Variants in STXBP4 observed in about 807,000 individuals in gnomAD.
STXBP4 encodes syntaxin binding protein 4, also known as syntaxin-binding protein 4.
A neutral mutation model predicts 76.1 loss-of-function variants in STXBP4; 55 were observed. The ratio of observed to expected loss-of-function variants is 0.72; its 90% CI spans 0.58 to 0.91. The LOEUF is 0.91. Among genes scored for constraint, STXBP4 ranks in the 40% least tolerant of loss-of-function variants. The probability of loss-of-function intolerance (pLI) is 0.00; values close to 1 mark genes in which losing one functional copy is unlikely to be tolerated. For missense variants in STXBP4, 618 were observed against 636.9 expected (o/e 0.97, Z 0.32); for synonymous variants, 201 against 220.2 (o/e 0.91, Z 0.77).
In STXBP4 at chr17:55,064,434, C is replaced by T. The variant is rs117132102; in HGVS notation, c.1012-8466C>T. On this transcript the variant is annotated intron_variant, in intron 12 of 17. Transcript: ENST00000376352. Reference sequence around the variant, plus strand: ...ACTGTAATTATAAGATCTCTTTACACTGTAGTTATTAACCCTATTTCTACC... The same window carrying T: ...ACTGTAATTATAAGATCTCTTTACATTGTAGTTATTAACCCTATTTCTACC... Among the ~76,000 whole-genome samples the T allele has an allele frequency of 3.3e-3, 498 of 152,250 alleles. 12 individuals are homozygous for T. Among genetic ancestry groups the T allele is most frequent in the East Asian group, 0.025 (131 of 5,182 alleles).
chr17:55,052,413 GATTA>G (rs1023086260), intron 12 of STXBP4, among the ~76,000 whole-genome samples: 11 of 152,056 alleles, frequency 7.2e-5, no homozygotes, highest in Admixed American at 6.6e-4. Context: ...TTCGTAAATT[GATTA>G]ATTAATTAAT....
rs187513076 is a variant in STXBP4 at position 55,149,983 on chromosome 17, A to G, written c.1547+8616A>G. 1.1e-4 allele frequency among the ~76,000 whole-genome samples: 17 copies of G among 152,306 alleles called. No individual in the cohort carries two copies. The East Asian group carries it at 3.1e-3, about 28-fold the overall frequency. On this transcript the variant is annotated intron_variant, in intron 17 of 17. Coordinates refer to ENST00000376352, the MANE Select transcript of STXBP4 (RefSeq NM_178509.6). ...ACACAGGCATGAGGCATGTTTTTTC[A>G]CATTTCATTGAGATATTAAAATAAA...
chr17:54,999,880 T>C (rs1782149737), intron 6 of STXBP4, 38 bp downstream of exon 6: 2 of 1,324,360 alleles, frequency 1.5e-6, no homozygotes, highest in African/African-American at 3.0e-5. Context: ...ATATATGCAC[T>C]CCATAAATTC....
At chr17:55,196,471 G>A in the STXBP4 span, among the ~76,000 whole-genome samples, 1 of 152,132 alleles carries the variant, frequency 6.6e-6, no homozygotes. Flanking sequence ...GTATCAACTT[G>A]TTGAGCTTTC....
intron 16 of STXBP4, among the ~76,000 whole-genome samples, chr17:55,127,267 T>A (rs1464261278): frequency 6.6e-6 from 1 of 152,144 alleles, no homozygotes; most frequent in Non-Finnish European, 1.5e-5. Flanking sequence ...AGTGTAGGGC[T>A]TTTGAGATTC....
At chr17:55,078,654 T>C (rs373208259) in intron 14 of STXBP4, 32 bp from the exon 15 acceptor site, 16 of 1,364,400 alleles carry the variant, frequency 1.2e-5, no homozygotes, top group African/African-American at 4.3e-5. Context: ...GTCAAACTGA[T>C]ATATCTCCTT....
chr17:55,021,296 C>G (rs1335737833), intron 8 of STXBP4, among the ~76,000 whole-genome samples: 1 of 152,078 alleles, frequency 6.6e-6, no homozygotes, highest in Non-Finnish European at 1.5e-5. Flanking sequence ...CCAAGGCAAG[C>G]AGATCGCTTG....
intron 17 of STXBP4, among the ~76,000 whole-genome samples, chr17:55,156,723 T>C (rs2145188989): frequency 6.6e-6 from 1 of 152,324 alleles, no homozygotes; most frequent in Admixed American, 6.5e-5. Flanking sequence ...ATTTGATGCT[T>C]AGGTGTGTGC....
chr17:55,008,780 T>C (rs1336832171), intron 8 of STXBP4, among the ~76,000 whole-genome samples: 1 of 152,132 alleles, frequency 6.6e-6, no homozygotes, highest in Non-Finnish European at 1.5e-5. Flanking sequence ...GAGGGTCTTT[T>C]AATCTACTTT....
chr17:55,059,899 G>A lies in STXBP4; in HGVS notation c.1011+12745G>A, dbSNP rs149909150. 5.7e-3 allele frequency among the ~76,000 whole-genome samples: 874 copies of A among 152,206 alleles called. 5 individuals are homozygous for A. The highest frequency in any genetic ancestry group is 0.02 in the African/African-American group (827 of 41,544). On this transcript the variant is annotated intron_variant, in intron 12 of 17. Transcript: ENST00000376352. ...CCACCAGATTTAACAGTCATAAAAT[G>A]TGCAGTAATAAGGAGAAACAACAGT...
chr17:55,201,521 T>G, the STXBP4 span, among the ~76,000 whole-genome samples: 28 of 152,104 alleles, frequency 1.8e-4, no homozygotes, highest in African/African-American at 6.7e-4. Flanking sequence ...AAAAATAAAT[T>G]TAAAGATCAA....
At chr17:55,067,697 C>T (rs1459218099) in intron 12 of STXBP4, among the ~76,000 whole-genome samples, 1 of 151,986 alleles carries the variant, frequency 6.6e-6, no homozygotes, top group Non-Finnish European at 1.5e-5. Flanking sequence ...CAGAAGTATG[C>T]AGAATACAAT....
At chr17:55,199,431 G>A in the STXBP4 span, among the ~76,000 whole-genome samples, 1 of 152,192 alleles carries the variant, frequency 6.6e-6, no homozygotes, top group Non-Finnish European at 1.5e-5. Flanking sequence ...TTATATGCAT[G>A]CTTTCCTGAT....
Position 55,164,434 on chromosome 17 carries a change from A to ATTTTTT in STXBP4, c.*4526_*4527insTTTTTT. 2.6e-5 allele frequency: 2 copies of ATTTTTT among 76,610 alleles called. No individual in the cohort carries two copies. The highest frequency in any genetic ancestry group is 2.6e-4 in the Admixed American group (2 of 7,724). 4.7% of individuals were successfully genotyped at this position (76,610 alleles called of 1,614,324 possible). On this transcript the variant is annotated 3_prime_UTR_variant, in exon 18 of 18. Transcript: ENST00000376352. The stretch of plus-strand genomic sequence containing the variant: ...TTCTCTATATCACTCTACCCTGTTT[A>ATTTTTT]TTTCTTTTTTTTTTTTTTTTTTTTT...
chr17:55,115,404 C>G (rs920435183), intron 16 of STXBP4, among the ~76,000 whole-genome samples: 1 of 151,776 alleles, frequency 6.6e-6, no homozygotes, highest in African/African-American at 2.4e-5. Context: ...TGTTTCTAAT[C>G]TAATCAGTCT....
At chr17:55,059,777 C>T (rs994187455) in intron 12 of STXBP4, among the ~76,000 whole-genome samples, 1 of 152,090 alleles carries the variant, frequency 6.6e-6, no homozygotes, top group Non-Finnish European at 1.5e-5. Context: ...ATTTGAGAAG[C>T]TCTTGTCCAG....
the STXBP4 span, among the ~76,000 whole-genome samples, chr17:55,202,600 G>A: frequency 4.6e-5 from 7 of 152,098 alleles, no homozygotes; most frequent in Admixed American, 2.0e-4. Context: ...CCAGGAATTC[G>A]GACTGCCAAT....
intron 12 of STXBP4, among the ~76,000 whole-genome samples, chr17:55,062,745 T>C (rs1406598968): frequency 6.6e-6 from 1 of 152,192 alleles, no homozygotes; most frequent in Non-Finnish European, 1.5e-5. Flanking sequence ...TTTCTCCACA[T>C]CCTCTCCAGC....
intron 17 of STXBP4, among the ~76,000 whole-genome samples, chr17:55,142,628 G>A (rs772036589): frequency 7.3e-5 from 11 of 150,996 alleles, no homozygotes; most frequent in South Asian, 2.1e-4. Context: ...AGAAACCATC[G>A]TGGAGGGGAA....
Sources: gnomAD v4.1 joint callset for allele counts (sites outside exome capture counted in the v4.1 genomes callset) on GRCh38, gnomAD v4.1.1 for gene constraint, MANE v1.5 for transcripts, NCBI Gene and HGNC (gene_info 2026-07-23, HGNC 2026-07-21) for gene names.